The following BRF1 variants were observed in gnomAD, a reference collection of about 807,000 sequenced individuals.
BRF1 encodes transcription factor IIIB 90 kDa subunit.
Under a neutral mutation model 81.7 loss-of-function variants are expected in BRF1, and 59 were observed. The ratio of observed to expected loss-of-function variants is 0.72; its 90% CI spans 0.59 to 0.90. BRF1 has a LOEUF of 0.90. Ranked by LOEUF, BRF1 falls within the 40% of genes least tolerant of loss-of-function variation. The pLI, the probability that BRF1 is intolerant of heterozygous loss-of-function variation, is 0.00. For synonymous variants in BRF1, 491 were observed against 395.6 expected, an observed-to-expected ratio of 1.24 and a Z score of -2.86; for missense variants, 1,050 against 936.3, an observed-to-expected ratio of 1.12 and a Z score of -1.58.
chr14:105,248,501 G>A (rs890495604), intron 5 of BRF1: 5 of 983,422 alleles, frequency 5.1e-6, no homozygotes, highest in South Asian at 4.7e-5. Context: ...GGGGCCGCGA[G>A]GCAGCGACGT....
chr14:105,261,555 C>A (rs900230623), intron 3 of BRF1, among the ~76,000 whole-genome samples: 1 of 152,212 alleles, frequency 6.6e-6, no homozygotes, highest in African/African-American at 2.4e-5. Context: ...CTGACTCAGA[C>A]ACACTTTCCT....
At chr14:105,224,156 G>A (rs587676801) in intron 10 of BRF1, among the ~76,000 whole-genome samples, 28 of 152,348 alleles carry the variant, frequency 1.8e-4, no homozygotes, top group African/African-American at 6.7e-4. Flanking sequence ...ATCACTTGAG[G>A]TCAGGAGTTC....
chr14:105,263,793 C>CG (rs2056275253), intron 3 of BRF1, among the ~76,000 whole-genome samples: 1 of 151,824 alleles, frequency 6.6e-6, no homozygotes, highest in Admixed American at 6.6e-5. Flanking sequence ...GATGTGGTGG[C>CG]GGGCACCTAT....
chr14:105,229,166 C>T (rs1421840283), intron 6 of BRF1, among the ~76,000 whole-genome samples: 1 of 152,230 alleles, frequency 6.6e-6, no homozygotes, highest in Admixed American at 6.5e-5. Flanking sequence ...CTTCCGAGAG[C>T]TTCACGTAAT....
chr14:105,279,194 G>A (rs1352114154), intron 2 of BRF1, among the ~76,000 whole-genome samples: 1 of 152,066 alleles, frequency 6.6e-6, no homozygotes, highest in African/African-American at 2.4e-5. Flanking sequence ...GGACCACAGA[G>A]TGAGTGAGAC....
At chr14:105,310,668 C>A (rs1454863433) in intron 1 of BRF1, among the ~76,000 whole-genome samples, 3 of 152,160 alleles carry the variant, frequency 2.0e-5, no homozygotes. Flanking sequence ...CGGGGCGCAG[C>A]CCCAGCCAGA....
At chr14:105,226,595 G>A (rs1253168705) in intron 8 of BRF1, 39 bp downstream of exon 8, 1 of 1,610,526 alleles carries the variant, frequency 6.2e-7, no homozygotes, top group Non-Finnish European at 8.5e-7. Context: ...CCCCAAGGCT[G>A]GCAAGCCCAG....
intron 2 of BRF1, among the ~76,000 whole-genome samples, chr14:105,279,970 T>C (rs587769253): frequency 1.3e-5 from 2 of 152,298 alleles, no homozygotes; most frequent in South Asian, 4.2e-4. Context: ...CCACAGGAGC[T>C]CTCCTTCCTT....
chr14:105,267,259 G>A (rs974852513), intron 3 of BRF1, among the ~76,000 whole-genome samples: 1 of 152,126 alleles, frequency 6.6e-6, no homozygotes, highest in Non-Finnish European at 1.5e-5. Context: ...GGCCCACGCT[G>A]GGTGTGCCGG....
At position 105,210,410 on chromosome 14, in the gene BRF1, A is replaced by G; in HGVS notation, c.*141T>C. ...ATCCCAATGGTAAGTTCCACATGGG[A>G]CGAGGGCTGTGGGACAGGTGCCACC... On this transcript the variant is annotated 3_prime_UTR_variant, in exon 18 of 18. Transcript: ENST00000547530. The surrounding 1 kb of genome is among the most constrained non-coding windows in gnomAD (Gnocchi z 4.7). 1 of 845,684 alleles carries G rather than the reference A, an allele frequency of 1.2e-6. No individual in the cohort carries two copies. The highest frequency in any genetic ancestry group is 1.9e-6 in the Non-Finnish European group (1 of 540,156). 52.4% of individuals were successfully genotyped at this position (845,684 alleles called of 1,614,324 possible). A position where few individuals can be genotyped will look rare whatever the true frequency, so the allele number is the denominator to read the frequency against.
At chr14:105,217,851 C>T (rs758252441) in intron 14 of BRF1, 51 bp from the exon 15 acceptor site, 1 of 1,591,154 alleles carries the variant, frequency 6.3e-7, no homozygotes, top group African/African-American at 1.3e-5. Context: ...CCACTGCACT[C>T]CACCATCAGG....
rs145009915 is a variant in BRF1, at chr14:105,294,764, T to C, written c.184+5682A>G. 3.7e-3 allele frequency among the ~76,000 whole-genome samples: 564 copies of C among 152,300 alleles called. 1 individual carries two copies. The highest frequency in any genetic ancestry group is 0.013 in the African/African-American group (541 of 41,558). On this transcript the variant is annotated intron_variant, in intron 1 of 17. Coordinates refer to ENST00000547530, the MANE Select transcript of BRF1 (RefSeq NM_001519.4). ...CATCTGAAAGGAAAAAGGAGGCCACTGTGGACCCCGCAGATATCAAAAGGA... is the reference window on the plus strand; with the variant it reads ...CATCTGAAAGGAAAAAGGAGGCCACCGTGGACCCCGCAGATATCAAAAGGA...
At chr14:105,217,843 A>C (rs373550718) in intron 14 of BRF1, 43 bp from the exon 15 acceptor site, 11 of 1,594,512 alleles carry the variant, frequency 6.9e-6, no homozygotes, top group Non-Finnish European at 9.4e-6. Flanking sequence ...AGTCACGCCC[A>C]CTGCACTCCA....
At chr14:105,241,674 C>T (rs1211627599) in intron 5 of BRF1, 9 of 537,688 alleles carry the variant, frequency 1.7e-5, no homozygotes, top group Non-Finnish European at 3.0e-5. Flanking sequence ...GCTCCTACTG[C>T]ATGGCCGCCC....
Position 105,263,178 on chromosome 14 carries a change from A to G in BRF1, c.440-6629T>C, listed in dbSNP as rs900743751. ...CTTGAACCCGGGAGGCAGAGGTTGC[A>G]GTGAGCCGAGATGGCACCACTGCAC... On this transcript the variant is annotated intron_variant, in intron 3 of 17. Coordinates refer to ENST00000547530, the MANE Select transcript of BRF1 (RefSeq NM_001519.4). Among the ~76,000 whole-genome samples the G allele has an allele frequency of 9.4e-5, 14 of 148,408 alleles. No homozygotes were observed. In the East Asian group the frequency reaches 2.4e-3, roughly 25 times the overall value.
chr14:105,222,089 A>T, intron 10 of BRF1, 175 bp from the exon 11 acceptor site: 1 of 699,134 alleles, frequency 1.4e-6, no homozygotes. Context: ...CTGCACGCGG[A>T]AGTTAGCTCA....
At chr14:105,314,936 C>G in intron 1 of BRF1, 1 of 1,136,908 alleles carries the variant, frequency 8.8e-7, no homozygotes, top group Non-Finnish European at 1.1e-6. Flanking sequence ...AGCGAGGCCG[C>G]CTCGGCCTCC....
At chr14:105,242,422 G>A (rs192384304) in intron 5 of BRF1, 154 of 152,192 alleles carry the variant, frequency 1.0e-3, no homozygotes, top group African/African-American at 3.5e-3. Flanking sequence ...ATCGCAGCTA[G>A]AAATAAAGAG....
At chr14:105,219,533 C>A in intron 12 of BRF1, 1 of 534,850 alleles carries the variant, frequency 1.9e-6, no homozygotes, top group Non-Finnish European at 3.3e-6. Flanking sequence ...CAGGTTCCCA[C>A]AAAGGGGCCA....
Sources: gnomAD v4.1 joint callset for allele counts (sites outside exome capture counted in the v4.1 genomes callset) on GRCh38, gnomAD v4.1.1 for gene constraint, Gnocchi (gnomAD v3.1) non-coding constraint, MANE v1.5 for transcripts, NCBI Gene and HGNC (gene_info 2026-07-23, HGNC 2026-07-21) for gene names.